GRIK2: variants seen among roughly 807,000 people sequenced by gnomAD.
The protein encoded by GRIK2 is glutamate ionotropic receptor kainate type subunit 2.
Under a neutral mutation model 100.3 loss-of-function variants are expected in GRIK2, and 32 were observed. The observed-to-expected ratio is 0.32, with a 90% CI of 0.24 to 0.43. The LOEUF (loss-of-function observed/expected upper bound fraction) is 0.43, where lower values mean the gene tolerates loss of function less well. Ranked by LOEUF, GRIK2 falls within the 20% of genes least tolerant of loss-of-function variation. The pLI is 1.00. For synonymous variants in GRIK2, 417 were observed against 389.4 expected (o/e 1.07, Z -0.83); for missense variants, 843 against 1,114.9 (o/e 0.76, Z 3.47).
intron 10 of GRIK2, among the ~76,000 whole-genome samples, chr6:101,825,796 G>A (rs557146889): frequency 6.6e-6 from 1 of 152,164 alleles, no homozygotes; most frequent in East Asian, 1.9e-4. Context: ...AGCAAAATAT[G>A]TGAAAATGAA....
intron 4 of GRIK2, among the ~76,000 whole-genome samples, chr6:101,669,332 A>T (rs1266214292): frequency 6.6e-6 from 1 of 152,156 alleles, no homozygotes; most frequent in Non-Finnish European, 1.5e-5. Flanking sequence ...TATTAACCAC[A>T]TTTTCAGCAA....
chr6:102,010,688 CCTT>C (rs1338788056), intron 14 of GRIK2, among the ~76,000 whole-genome samples: 1 of 151,740 alleles, frequency 6.6e-6, no homozygotes, highest in Non-Finnish European at 1.5e-5. Context: ...GGGCCCCCTC[CCTT>C]CTTCTTAACC....
chr6:101,511,249 A>G (rs1341093429), intron 2 of GRIK2, among the ~76,000 whole-genome samples: 1 of 152,214 alleles, frequency 6.6e-6, no homozygotes, highest in Admixed American at 6.5e-5. Flanking sequence ...ATGCAGTTTA[A>G]TTGGAAAGTA....
At chr6:101,542,612 A>G (rs1776055082) in intron 2 of GRIK2, among the ~76,000 whole-genome samples, 1 of 152,138 alleles carries the variant, frequency 6.6e-6, no homozygotes, top group Non-Finnish European at 1.5e-5. Flanking sequence ...AATATTATGC[A>G]TTAGTTCAAA....
intron 7 of GRIK2, among the ~76,000 whole-genome samples, chr6:101,688,074 TTTATTA>T (rs1470303236): frequency 1.4e-5 from 2 of 147,126 alleles, no homozygotes; most frequent in African/African-American, 4.9e-5. Context: ...TATAAAAATA[TTTATTA>T]TATAAAAATA....
At chr6:101,514,831 C>T (rs979902331) in intron 2 of GRIK2, among the ~76,000 whole-genome samples, 5 of 152,076 alleles carry the variant, frequency 3.3e-5, no homozygotes, top group African/African-American at 1.2e-4. Context: ...AATTCTAAAA[C>T]GACATGGTAT....
chr6:101,822,940 G>T (rs761644644), intron 10 of GRIK2, among the ~76,000 whole-genome samples: 1 of 152,034 alleles, frequency 6.6e-6, no homozygotes, highest in Non-Finnish European at 1.5e-5. Context: ...GATCAAAATA[G>T]CATCTTGATT....
chr6:101,924,522 C>T (rs1789761493), intron 12 of GRIK2, 79 bp from the exon 13 acceptor site: 1 of 776,934 alleles, frequency 1.3e-6, no homozygotes. Context: ...CTTTTTGTTT[C>T]TTTTGCAGCA....
intron 14 of GRIK2, chr6:101,993,753 T>C (rs1794498375): frequency 6.7e-6 from 1 of 149,196 alleles, no homozygotes; most frequent in Non-Finnish European, 1.5e-5. Context: ...TATACTTCCA[T>C]CATATTAGGC....
intron 7 of GRIK2, among the ~76,000 whole-genome samples, chr6:101,744,200 C>A (rs1776231695): frequency 6.6e-6 from 1 of 151,904 alleles, no homozygotes; most frequent in South Asian, 2.1e-4. Flanking sequence ...CCTCGGCCTC[C>A]CAAAGTTCTG....
intron 2 of GRIK2, among the ~76,000 whole-genome samples, chr6:101,491,203 G>A (rs67217396): frequency 0.14 from 21,119 of 149,324 alleles, 1,744 homozygotes; most frequent in Middle Eastern, 0.21. Flanking sequence ...GAAGTAAAAC[G>A]CCTGTCTGTA....
chr6:102,026,560 G>T (rs989214707), intron 14 of GRIK2, among the ~76,000 whole-genome samples: 1 of 151,136 alleles, frequency 6.6e-6, no homozygotes, highest in Non-Finnish European at 1.5e-5. Flanking sequence ...TTCATTATGA[G>T]ATACTTGGAA....
At chr6:101,591,343 G>A (rs1415794709) in intron 2 of GRIK2, among the ~76,000 whole-genome samples, 1 of 151,084 alleles carries the variant, frequency 6.6e-6, no homozygotes, top group Non-Finnish European at 1.5e-5. Flanking sequence ...CTCAGGTCAT[G>A]ATTCTTTCCA....
intron 7 of GRIK2, among the ~76,000 whole-genome samples, chr6:101,693,796 ATATG>A: frequency 6.6e-6 from 1 of 152,194 alleles, no homozygotes; most frequent in South Asian, 2.1e-4. Flanking sequence ...TATATCATAT[ATATG>A]TATATGATCA....
intron 2 of GRIK2, among the ~76,000 whole-genome samples, chr6:101,426,661 A>G (rs1362688813): frequency 6.6e-6 from 1 of 152,202 alleles, no homozygotes; most frequent in Non-Finnish European, 1.5e-5. Context: ...AGGCACTCAA[A>G]TGGTGTAGCC....
intron 7 of GRIK2, among the ~76,000 whole-genome samples, chr6:101,795,338 C>CT (rs1420958693): frequency 6.6e-6 from 1 of 152,144 alleles, no homozygotes; most frequent in Non-Finnish European, 1.5e-5. Flanking sequence ...GTTTCTTAGA[C>CT]TGTGATTATT....
chr6:101,868,403 G>A (rs1785185529), intron 11 of GRIK2, among the ~76,000 whole-genome samples: 1 of 151,686 alleles, frequency 6.6e-6, no homozygotes, highest in African/African-American at 2.4e-5. Flanking sequence ...TAAAAATTTT[G>A]TATGTAATTT....
intron 4 of GRIK2, among the ~76,000 whole-genome samples, chr6:101,634,037 G>A (rs1396428212): frequency 6.6e-6 from 1 of 152,026 alleles, no homozygotes; most frequent in Admixed American, 6.6e-5. Context: ...CAAGATAATG[G>A]CAAGATTAGA....
At chr6:101,707,831 G>T (rs1182181497) in intron 7 of GRIK2, among the ~76,000 whole-genome samples, 1 of 151,428 alleles carries the variant, frequency 6.6e-6, no homozygotes, top group East Asian at 1.9e-4. Flanking sequence ...TTCTAGATGA[G>T]AATTCATTGT....
Sources: allele counts gnomAD v4.1 joint callset (sites outside exome capture counted in the v4.1 genomes callset), GRCh38; gene constraint gnomAD v4.1.1; transcripts MANE v1.5; gene names NCBI Gene and HGNC (gene_info 2026-07-23, HGNC 2026-07-21).